The following KDELR2 variants were observed in gnomAD, a reference collection of about 807,000 sequenced individuals.
KDELR2 encodes ER lumen protein-retaining receptor 2.
KDELR2 carries 15 observed loss-of-function variants against 23.9 expected under a neutral mutation model. The ratio of observed to expected loss-of-function variants is 0.63; its 90% CI spans 0.42 to 0.97. KDELR2 has a LOEUF of 0.97. Among genes scored for constraint, KDELR2 ranks in the 50% least tolerant of loss-of-function variants. The pLI is 0.00. For synonymous variants in KDELR2, 119 were observed against 106.2 expected, an observed-to-expected ratio of 1.12 and a Z score of -0.74; for missense variants, 272 against 254.6, an observed-to-expected ratio of 1.07 and a Z score of -0.46.
chr7:6,470,870 T>C (rs1785618488), intron 2 of KDELR2, among the ~76,000 whole-genome samples: 1 of 152,030 alleles, frequency 6.6e-6, no homozygotes, highest in East Asian at 1.9e-4. Flanking sequence ...ATCCTAGCAC[T>C]CTGGGAGGCC....
chr7:6,468,285 CA>C (rs1304673771), intron 3 of KDELR2, among the ~76,000 whole-genome samples: 1 of 152,176 alleles, frequency 6.6e-6, no homozygotes, highest in Non-Finnish European at 1.5e-5. Context: ...ACACGATCTG[CA>C]AACATGCAAA....
chr7:6,467,448 G>C (rs1785526278), intron 3 of KDELR2, among the ~76,000 whole-genome samples: 1 of 152,132 alleles, frequency 6.6e-6, no homozygotes, highest in Non-Finnish European at 1.5e-5. Context: ...GACTTTCAGA[G>C]GGTCCTTGAG....
chr7:6,476,352 A>G (rs1320000938), intron 1 of KDELR2, among the ~76,000 whole-genome samples: 1 of 152,200 alleles, frequency 6.6e-6, no homozygotes, highest in African/African-American at 2.4e-5. Context: ...TTCTTCCTAC[A>G]GAGACCAATG....
chr7:6,474,883 T>C (rs74500377), intron 1 of KDELR2, among the ~76,000 whole-genome samples: 3,393 of 152,284 alleles, frequency 0.022, 123 homozygotes, highest in African/African-American at 0.078. Flanking sequence ...CTTGAACTCC[T>C]GGGCCCAGCT....
intron 4 of KDELR2, 43 bp downstream of exon 4, chr7:6,466,028 G>A (rs200512412): frequency 6.2e-7 from 1 of 1,602,772 alleles, no homozygotes; most frequent in Non-Finnish European, 8.5e-7. Flanking sequence ...ACTCCTAAAA[G>A]AACACGTCAC....
At chr7:6,472,140 T>C (rs1785659443) in intron 2 of KDELR2, among the ~76,000 whole-genome samples, 1 of 152,102 alleles carries the variant, frequency 6.6e-6, no homozygotes, top group Non-Finnish European at 1.5e-5. Context: ...TGTGAATAAA[T>C]ACAAAACAAA....
chr7:6,469,849 G>T, intron 2 of KDELR2, 95 bp from the exon 3 acceptor site: 2 of 1,078,102 alleles, frequency 1.9e-6, no homozygotes, highest in Non-Finnish European at 2.6e-6. Flanking sequence ...GGAAAGGCAA[G>T]ATTTTTTTCC....
Position 6,462,856 on chromosome 7 carries a change from TG to T in KDELR2, c.*284del. On this transcript the variant is annotated 3_prime_UTR_variant, in exon 5 of 5. Transcript: ENST00000258739. ...TTATTCCTCACAAAATCTTCACTTT[TG>T]GAACTATCCCAATTGAAGCTACACA... 2 of 955,656 alleles carry T rather than the reference TG, an allele frequency of 2.1e-6. No individual in the cohort carries two copies. Among genetic ancestry groups the T allele is most frequent in the East Asian group, 5.6e-5 (2 of 35,948 alleles). 59.2% of individuals were successfully genotyped at this position (955,656 alleles called of 1,614,324 possible). A position where few individuals can be genotyped will look rare whatever the true frequency, so the allele number is the denominator to read the frequency against.
At chr7:6,469,131 T>C (rs1785568713) in intron 3 of KDELR2, among the ~76,000 whole-genome samples, 1 of 151,680 alleles carries the variant, frequency 6.6e-6, no homozygotes. Context: ...TTTTTTATTT[T>C]TTAGTACAGA....
chr7:6,470,361 A>G (rs1562499979), intron 2 of KDELR2: 1 of 152,186 alleles, frequency 6.6e-6, no homozygotes, highest in Non-Finnish European at 1.5e-5. Context: ...TTACATCTCA[A>G]CGATGCCAGT....
At chr7:6,483,478 C>T (rs1014718773) in intron 1 of KDELR2, among the ~76,000 whole-genome samples, 4 of 152,204 alleles carry the variant, frequency 2.6e-5, no homozygotes. Context: ...CCTCTCCCGG[C>T]GCCCGCCCCA....
chr7:6,478,207 G>T lies in KDELR2; in HGVS notation c.92-3923C>A, dbSNP rs143578191. On this transcript the variant is annotated intron_variant, in intron 1 of 4. Transcript: ENST00000258739. ...ACCTCACTCAGTTGCCCAACCCAGG[G>T]TATAATGGCATGATCACAGCTCGCT... Among the ~76,000 whole-genome samples the T allele has an allele frequency of 4.7e-4, 71 of 151,962 alleles. 1 individual carries two copies. Among genetic ancestry groups the T allele is most frequent in the African/African-American group, 1.6e-3 (65 of 41,462 alleles).
Position 6,484,149 on chromosome 7 carries a change from T to C in KDELR2, c.-92A>G, listed in dbSNP as rs953593951. The C allele has an allele frequency of 1.7e-5, 18 of 1,040,368 alleles. No homozygotes were observed. The highest frequency in any genetic ancestry group is 1.1e-4 in the South Asian group (3 of 26,216). The allele number at this position is 1,040,368 out of a possible 1,614,324, so 64.4% of individuals were successfully genotyped here. A position where few individuals can be genotyped will look rare whatever the true frequency, so the allele number is the denominator to read the frequency against. On this transcript the variant is annotated 5_prime_UTR_variant, in exon 1 of 5. Coordinates refer to ENST00000258739, the MANE Select transcript of KDELR2 (RefSeq NM_006854.4). ...GGCCCCTGAGAGGAAGCGGCGAAGA[T>C]GGCGAGATCGCCCGCGACGTGGCCA...
intron 3 of KDELR2, among the ~76,000 whole-genome samples, chr7:6,467,483 G>C (rs1785527327): frequency 6.6e-6 from 1 of 152,114 alleles, no homozygotes; most frequent in South Asian, 2.1e-4. Context: ...AGGCATGGCT[G>C]GGTGTGGTGG....
intron 1 of KDELR2, among the ~76,000 whole-genome samples, chr7:6,477,448 C>T (rs1478609365): frequency 1.3e-5 from 2 of 152,184 alleles, no homozygotes; most frequent in African/African-American, 4.8e-5. Context: ...AGCTCCTAGT[C>T]GGCTTCTCTC....
At chr7:6,464,810 ACTGCAACCT>A (rs1785467307) in intron 4 of KDELR2, among the ~76,000 whole-genome samples, 1 of 141,458 alleles carries the variant, frequency 7.1e-6, no homozygotes, top group South Asian at 2.2e-4. Flanking sequence ...ATATCAGCTC[ACTGCAACCT>A]CTGCCTCCCG....
At chr7:6,473,069 G>T (rs1377293832) in intron 2 of KDELR2, among the ~76,000 whole-genome samples, 2 of 141,672 alleles carry the variant, frequency 1.4e-5, no homozygotes, top group Admixed American at 7.7e-5. Flanking sequence ...CACCATGCCT[G>T]GCTAATTTTT....
rs891619353 is a variant in KDELR2 at position 6,461,918 on chromosome 7, G to C, written c.*1223C>G. ...CATAATGTCTTACAGATGATTATGT[G>C]AACTTTAAATGTCTGCAGCCCTACA... On this transcript the variant is annotated 3_prime_UTR_variant, in exon 5 of 5. Coordinates refer to ENST00000258739, the MANE Select transcript of KDELR2 (RefSeq NM_006854.4). 6.6e-6 allele frequency: 1 copy of C among 152,038 alleles called. No homozygotes were observed. Among genetic ancestry groups the C allele is most frequent in the Non-Finnish European group, 1.5e-5 (1 of 68,012 alleles). The allele number at this position is 152,038 out of a possible 1,614,324, so 9.4% of individuals were successfully genotyped here. A position where few individuals can be genotyped will look rare whatever the true frequency, so the allele number is the denominator to read the frequency against.
chr7:6,464,208 A>C (rs1358717688), intron 4 of KDELR2, among the ~76,000 whole-genome samples: 13 of 20,248 alleles, frequency 6.4e-4, no homozygotes, highest in African/African-American at 2.1e-3. Flanking sequence ...AAAAAAAAAA[A>C]AAAAAAAAAA....
Sources: gnomAD v4.1 joint callset for allele counts (sites outside exome capture counted in the v4.1 genomes callset) on GRCh38, gnomAD v4.1.1 for gene constraint, MANE v1.5 for transcripts, NCBI Gene and HGNC (gene_info 2026-07-23, HGNC 2026-07-21) for gene names.